Variants in CDH4 observed in about 807,000 individuals in gnomAD.
CDH4 encodes the protein cadherin 4.
Under a neutral mutation model 86.0 loss-of-function variants are expected in CDH4, and 33 were observed. The observed-to-expected ratio is 0.38, with a 90% CI of 0.29 to 0.51. CDH4 has a LOEUF of 0.51. CDH4 is among the 20% of genes least tolerant of loss of function. The probability of loss-of-function intolerance (pLI) is 0.86; values close to 1 mark genes in which losing one functional copy is unlikely to be tolerated. For missense variants in CDH4, 1,114 were observed against 1,307.4 expected (o/e 0.85, Z 2.28); for synonymous variants, 555 against 549.4 (o/e 1.01, Z -0.14).
chr20:61,299,829 G>A (rs1164217947), intron 2 of CDH4, among the ~76,000 whole-genome samples: 1 of 152,168 alleles, frequency 6.6e-6, no homozygotes, highest in Non-Finnish European at 1.5e-5. Context: ...GGCTATAAAA[G>A]TGTTAGGGCC....
At chr20:61,933,153 C>T in intron 14 of CDH4, 29 bp downstream of exon 14, 1 of 1,605,632 alleles carries the variant, frequency 6.2e-7, no homozygotes, top group Non-Finnish European at 8.5e-7. Context: ...CCCGCCTCCC[C>T]ACGCGAGGCC....
intron 5 of CDH4, among the ~76,000 whole-genome samples, chr20:61,847,574 CAT>C (rs1434026210): frequency 2.6e-5 from 4 of 152,358 alleles, no homozygotes; most frequent in Admixed American, 6.5e-5. Flanking sequence ...GCTGTGTAAA[CAT>C]GTGCAAACAC....
At position 61,676,564 on chromosome 20, in the gene CDH4, C is replaced by T. The variant is rs1461511263; in HGVS notation, c.170-66999C>T. Among the ~76,000 whole-genome samples, 5 of 152,000 alleles carry T rather than the reference C, an allele frequency of 3.3e-5. No individual in the cohort carries two copies. The highest frequency in any genetic ancestry group is 1.2e-4 in the African/African-American group (5 of 41,368). On this transcript the variant is annotated intron_variant, in intron 2 of 15. Transcript: ENST00000614565. The surrounding 1 kb of genome is among the most constrained non-coding windows in gnomAD (Gnocchi z 4.5). ...CAGGGATGGGTCTGCTTGGAGACCC[C>T]GGGTCAGGCTGTGACAGTGCCCTGG...
intron 2 of CDH4, among the ~76,000 whole-genome samples, chr20:61,416,812 C>G (rs552297093): frequency 1.3e-5 from 2 of 152,296 alleles, no homozygotes; most frequent in African/African-American, 2.4e-5. Flanking sequence ...CATAGCTTAC[C>G]AAGTGTGATT....
intron 2 of CDH4, among the ~76,000 whole-genome samples, chr20:61,342,922 C>T (rs1412782184): frequency 2.0e-5 from 3 of 149,848 alleles, no homozygotes; most frequent in African/African-American, 7.4e-5. Context: ...GAACATTAGC[C>T]TCTTTTAAAA....
intron 2 of CDH4, among the ~76,000 whole-genome samples, chr20:61,677,587 C>A (rs1331750610): frequency 6.6e-6 from 1 of 150,950 alleles, no homozygotes; most frequent in Non-Finnish European, 1.5e-5. Context: ...CAGGCACATC[C>A]CCCTCAGATC....
intron 2 of CDH4, among the ~76,000 whole-genome samples, chr20:61,288,911 G>A (rs146035029): frequency 9.7e-4 from 147 of 152,264 alleles, no homozygotes; most frequent in African/African-American, 3.2e-3. Flanking sequence ...ATAGGCTTTC[G>A]CTCTTCTAAA....
chr20:61,905,781 T>G (rs2054782146), intron 8 of CDH4, among the ~76,000 whole-genome samples: 1 of 151,646 alleles, frequency 6.6e-6, no homozygotes, highest in Non-Finnish European at 1.5e-5. Flanking sequence ...GCCAGGAAAG[T>G]GGATATCTGG....
intron 2 of CDH4, among the ~76,000 whole-genome samples, chr20:61,682,711 T>C (rs1173084720): frequency 1.3e-5 from 2 of 152,130 alleles, no homozygotes; most frequent in East Asian, 3.9e-4. Context: ...GGAATGATTT[T>C]ACCTCCCCAC....
rs1335097526 is a variant in CDH4, at chr20:61,517,560, GA to G, written c.170-226001del. Among the ~76,000 whole-genome samples, 3 of 152,124 alleles carry G rather than the reference GA, an allele frequency of 2.0e-5. No individual in the cohort carries two copies. Among genetic ancestry groups the G allele is most frequent in the Non-Finnish European group, 4.4e-5 (3 of 68,026 alleles). On this transcript the variant is annotated intron_variant, in intron 2 of 15. Coordinates refer to ENST00000614565, the MANE Select transcript of CDH4 (RefSeq NM_001794.5). This position sits in a 1 kb window ranked among gnomAD's most constrained non-coding sequence, Gnocchi z 6.6. ...GTTTATAGTCCCCCCAGTGGAGGAT[GA>G]ATTCAAGCACAATTCCTGCCTTCTT...
chr20:61,635,832 C>A (rs375586462), intron 2 of CDH4, among the ~76,000 whole-genome samples: 5 of 152,208 alleles, frequency 3.3e-5, no homozygotes, highest in African/African-American at 1.2e-4. Flanking sequence ...GCTCCCAGAG[C>A]CTGCCCGCCC....
intron 2 of CDH4, among the ~76,000 whole-genome samples, chr20:61,343,230 C>T (rs545441819): frequency 3.7e-4 from 57 of 152,234 alleles, no homozygotes; most frequent in Middle Eastern, 3.4e-3. Flanking sequence ...ACTTAGCATG[C>T]GTAATGTGGA....
intron 4 of CDH4, among the ~76,000 whole-genome samples, chr20:61,781,390 A>T (rs1018997262): frequency 6.6e-6 from 1 of 151,842 alleles, no homozygotes; most frequent in African/African-American, 2.4e-5. Flanking sequence ...GTCAGAATAG[A>T]TGGATAGATG....
chr20:61,594,262 G>T (rs1436518220), intron 2 of CDH4, among the ~76,000 whole-genome samples: 1 of 124,852 alleles, frequency 8.0e-6, no homozygotes, highest in East Asian at 3.0e-4. Flanking sequence ...AGGGTGGGGG[G>T]GAAGAGGGAA....
At chr20:61,456,575 G>C (rs1485750951) in intron 2 of CDH4, among the ~76,000 whole-genome samples, 1 of 152,218 alleles carries the variant, frequency 6.6e-6, no homozygotes, top group Non-Finnish European at 1.5e-5. Context: ...GGTTGAAAGT[G>C]CTGGGGTCGG....
intron 4 of CDH4, among the ~76,000 whole-genome samples, chr20:61,824,367 A>C (rs917890042): frequency 9.2e-5 from 14 of 151,924 alleles, no homozygotes; most frequent in Admixed American, 3.3e-4. Context: ...ATACAAAAAA[A>C]AAAAAAAGAT....
chr20:61,479,307 C>T lies in CDH4; in HGVS notation c.169+224370C>T, dbSNP rs1016384379. Among the ~76,000 whole-genome samples, 7 of 152,128 alleles carry T rather than the reference C, an allele frequency of 4.6e-5. No individual in the cohort carries two copies. In the East Asian group the frequency reaches 9.7e-4, roughly 21 times the overall value. ...TGTTGGTGTGCTGCACCCATTAACT[C>T]GTCACTTAACATTAGGTATATCTCC... is the stretch of plus-strand genomic sequence containing the variant. On this transcript the variant is annotated intron_variant, in intron 2 of 15. Transcript: ENST00000614565.
intron 4 of CDH4, among the ~76,000 whole-genome samples, chr20:61,815,294 G>A (rs1980655859): frequency 6.6e-6 from 1 of 152,232 alleles, no homozygotes; most frequent in South Asian, 2.1e-4. Context: ...GGTGGCTGCT[G>A]TGGAGGGCGT....
chr20:61,434,007 A>C (rs1202158419), intron 2 of CDH4, among the ~76,000 whole-genome samples: 1 of 152,140 alleles, frequency 6.6e-6, no homozygotes, highest in Admixed American at 6.5e-5. Context: ...CCATCGTCCC[A>C]TGGCGCATGG....
Sources: gnomAD v4.1 joint callset for allele counts (sites outside exome capture counted in the v4.1 genomes callset) on GRCh38, gnomAD v4.1.1 for gene constraint, Gnocchi (gnomAD v3.1) non-coding constraint, MANE v1.5 for transcripts, NCBI Gene and HGNC (gene_info 2026-07-23, HGNC 2026-07-21) for gene names.